TLE1: variants seen among roughly 807,000 people sequenced by gnomAD.
TLE1 encodes the protein transducin-like enhancer protein 1.
Under a neutral mutation model 89.8 loss-of-function variants are expected in TLE1, and 21 were observed. That is an observed-to-expected ratio of 0.23 (90% confidence interval 0.17 to 0.34). The LOEUF (loss-of-function observed/expected upper bound fraction) is 0.34, where lower values mean the gene tolerates loss of function less well. TLE1 is among the 10% of genes least tolerant of loss of function. TLE1 has a pLI of 1.00. For synonymous variants in TLE1, 447 were observed against 407.6 expected (o/e 1.10, Z -1.16); for missense variants, 795 against 1,031.2 (o/e 0.77, Z 3.14).
At chr9:81,677,599 T>C (rs1005826283) in intron 4 of TLE1, among the ~76,000 whole-genome samples, 1 of 144,940 alleles carries the variant, frequency 6.9e-6, no homozygotes, top group African/African-American at 2.5e-5. Context: ...ACAACTCAGG[T>C]AAACGCACTC....
intron 4 of TLE1, among the ~76,000 whole-genome samples, chr9:81,683,504 G>C (rs1207584787): frequency 6.6e-6 from 1 of 152,198 alleles, no homozygotes; most frequent in South Asian, 2.1e-4. Context: ...GGGGCCAGAC[G>C]TCACCAGTTT....
chr9:81,686,756 G>A (rs909289231), intron 2 of TLE1, among the ~76,000 whole-genome samples: 1 of 152,108 alleles, frequency 6.6e-6, no homozygotes, highest in Non-Finnish European at 1.5e-5. Context: ...GGCTGAGATG[G>A]ATATAAATGT....
At chr9:81,687,555 A>G (rs1834466288) in intron 1 of TLE1, 121 bp from the exon 2 acceptor site, 1 of 722,494 alleles carries the variant, frequency 1.4e-6, no homozygotes, top group Non-Finnish European at 2.3e-6. Context: ...GCTGAAAACG[A>G]GGCCCCAAAC....
intron 16 of TLE1, among the ~76,000 whole-genome samples, chr9:81,588,541 C>T (rs761652322): frequency 4.6e-5 from 7 of 152,142 alleles, no homozygotes; most frequent in Admixed American, 1.3e-4. Flanking sequence ...TGCCTCCAAG[C>T]GGAGCACAAG....
At chr9:81,628,480 C>G (rs1317935676) in intron 8 of TLE1, among the ~76,000 whole-genome samples, 1 of 152,124 alleles carries the variant, frequency 6.6e-6, no homozygotes, top group Non-Finnish European at 1.5e-5. Context: ...CCAAAGCAAG[C>G]CTCACATCTT....
At chr9:81,604,428 T>G (rs1831366782) in intron 14 of TLE1, among the ~76,000 whole-genome samples, 1 of 151,662 alleles carries the variant, frequency 6.6e-6, no homozygotes, top group Non-Finnish European at 1.5e-5. Context: ...GGTGTGGAGG[T>G]CTCCAAACAC....
intron 8 of TLE1, among the ~76,000 whole-genome samples, chr9:81,630,503 G>GT (rs1317812125): frequency 1.3e-5 from 2 of 152,018 alleles, no homozygotes; most frequent in Non-Finnish European, 2.9e-5. Flanking sequence ...TTCTTACCCA[G>GT]TAAGTATCAA....
chr9:81,635,707 C>T (rs2132388216), intron 6 of TLE1, among the ~76,000 whole-genome samples: 1 of 152,228 alleles, frequency 6.6e-6, no homozygotes, highest in African/African-American at 2.4e-5. Flanking sequence ...AATCTTCATG[C>T]CAGATCTTCA....
rs987248613 is a variant in TLE1 at position 81,689,535 on chromosome 9, C to G, written c.-1295G>C. 6.6e-6 allele frequency among the ~76,000 whole-genome samples: 1 copy of G among 152,132 alleles called. No individual in the cohort carries two copies. Among genetic ancestry groups the G allele is most frequent in the African/African-American group, 2.4e-5 (1 of 41,448 alleles). On this transcript the variant is annotated 5_prime_UTR_variant, in exon 1 of 20. Transcript: ENST00000376499. ...CCGCCGCCGCCGCCCGCGCCTCTCG[C>G]GCCGCTTACATTAACACGCGGTTTC...
chr9:81,599,993 G>A, intron 14 of TLE1: 1 of 639,034 alleles, frequency 1.6e-6, no homozygotes, highest in Non-Finnish European at 2.9e-6. Context: ...GATGACCTAA[G>A]TTGATAAATG....
chr9:81,601,925 C>T (rs1204011702), intron 14 of TLE1, among the ~76,000 whole-genome samples: 1 of 152,148 alleles, frequency 6.6e-6, no homozygotes, highest in African/African-American at 2.4e-5. Flanking sequence ...GCTCAAGGGA[C>T]AAGACTTCGG....
intron 14 of TLE1, among the ~76,000 whole-genome samples, chr9:81,606,191 A>G (rs1358947546): frequency 6.6e-6 from 1 of 152,228 alleles, no homozygotes; most frequent in East Asian, 1.9e-4. Flanking sequence ...AACTAGTTCA[A>G]CCATTGTGGA....
At chr9:81,636,296 G>C (rs961980110) in intron 6 of TLE1, among the ~76,000 whole-genome samples, 1 of 152,038 alleles carries the variant, frequency 6.6e-6, no homozygotes, top group Non-Finnish European at 1.5e-5. Context: ...GCTTGCAGTG[G>C]CATCACGGTC....
chr9:81,677,231 C>G, intron 4 of TLE1, among the ~76,000 whole-genome samples: 1 of 145,086 alleles, frequency 6.9e-6, no homozygotes, highest in East Asian at 2.0e-4. Context: ...GAACGAGACT[C>G]GTCTTCCCCC....
At chr9:81,683,686 A>G (rs964182574) in intron 4 of TLE1, among the ~76,000 whole-genome samples, 1 of 152,128 alleles carries the variant, frequency 6.6e-6, no homozygotes, top group African/African-American at 2.4e-5. Context: ...TATCAACTAA[A>G]TTTCAGGAGG....
At chr9:81,637,641 TTTC>T (rs1406945818) in intron 6 of TLE1, among the ~76,000 whole-genome samples, 3 of 86,374 alleles carry the variant, frequency 3.5e-5, no homozygotes, top group Admixed American at 3.3e-4. Context: ...ACAATGAAAG[TTTC>T]TTTTTTTTTT....
At chr9:81,603,350 T>C (rs1346251008) in intron 14 of TLE1, among the ~76,000 whole-genome samples, 2 of 152,166 alleles carry the variant, frequency 1.3e-5, no homozygotes, top group Non-Finnish European at 2.9e-5. Flanking sequence ...GTTCAGGATA[T>C]GCCACACCAA....
chr9:81,655,046 G>A (rs192824920), intron 4 of TLE1, among the ~76,000 whole-genome samples: 4 of 152,226 alleles, frequency 2.6e-5, no homozygotes, highest in African/African-American at 9.6e-5. Flanking sequence ...GGTGTCCTTA[G>A]TGTCTATAGC....
chr9:81,647,231 T>A (rs1397065888), intron 6 of TLE1, among the ~76,000 whole-genome samples: 5 of 152,172 alleles, frequency 3.3e-5, no homozygotes, highest in African/African-American at 7.2e-5. Flanking sequence ...GTCTTCTAAC[T>A]CTCTCTTCCC....
Sources: gnomAD v4.1 joint callset for allele counts (sites outside exome capture counted in the v4.1 genomes callset) on GRCh38, gnomAD v4.1.1 for gene constraint, MANE v1.5 for transcripts, NCBI Gene and HGNC (gene_info 2026-07-23, HGNC 2026-07-21) for gene names.